KALRN: variants seen among roughly 807,000 people sequenced by gnomAD.
The protein encoded by KALRN is kalirin.
In KALRN, 70 loss-of-function variants were observed where a neutral mutation model predicts 353.7. That is an observed-to-expected ratio of 0.20 (90% CI 0.16 to 0.24). The LOEUF is 0.24. Ranked by LOEUF, KALRN falls within the 10% of genes least tolerant of loss-of-function variation. The probability of loss-of-function intolerance (pLI) is 1.00; values close to 1 mark genes in which losing one functional copy is unlikely to be tolerated. For missense variants in KALRN, 2,791 were observed against 3,756.7 expected, an observed-to-expected ratio of 0.74 and a Z score of 6.72; for synonymous variants, 1,391 against 1,434.8, an observed-to-expected ratio of 0.97 and a Z score of 0.69.
intron 27 of KALRN, among the ~76,000 whole-genome samples, chr3:124,479,644 A>T: frequency 6.6e-6 from 1 of 152,076 alleles, no homozygotes; most frequent in African/African-American, 2.4e-5. Context: ...GCAGTCACCT[A>T]ATATCCATTA....
intron 9 of KALRN, among the ~76,000 whole-genome samples, chr3:124,337,604 C>CT (rs2081266624): frequency 6.6e-6 from 1 of 152,072 alleles, no homozygotes; most frequent in Admixed American, 6.6e-5. Flanking sequence ...CTGAGATTTT[C>CT]TTTTTTTGTT....
intron 9 of KALRN, among the ~76,000 whole-genome samples, chr3:124,340,165 T>C (rs2081545811): frequency 6.6e-6 from 1 of 152,200 alleles, no homozygotes; most frequent in Non-Finnish European, 1.5e-5. Context: ...GTGTGTCATA[T>C]GGCGATAGCT....
chr3:124,135,136 T>C (rs924244240), intron 1 of KALRN, among the ~76,000 whole-genome samples: 2 of 152,224 alleles, frequency 1.3e-5, no homozygotes. Flanking sequence ...CAAATGCCCA[T>C]CAATCAATGA....
chr3:124,615,024 A>G (rs2078411441), intron 34 of KALRN, among the ~76,000 whole-genome samples: 1 of 152,254 alleles, frequency 6.6e-6, no homozygotes, highest in African/African-American at 2.4e-5. Context: ...AATTTGTCAC[A>G]TATATGACCA....
rs1299908976 is a variant in KALRN at position 124,720,723 on chromosome 3, C to T, written c.*1253C>T. ...GACTAATTGTACTTTGAGGCCAATG[C>T]TGCTTTCTGGTGTATATTCTCCATA... On this transcript the variant is annotated 3_prime_UTR_variant, in exon 60 of 60. Transcript: ENST00000682506. 1.3e-5 allele frequency: 2 copies of T among 152,304 alleles called. No homozygotes were observed. Among genetic ancestry groups the T allele is most frequent in the African/African-American group, 4.8e-5 (2 of 41,460 alleles). The allele number at this position is 152,304 out of a possible 1,614,324, so 9.4% of individuals were successfully genotyped here. A position where few individuals can be genotyped will look rare whatever the true frequency, so the allele number is the denominator to read the frequency against.
intron 2 of KALRN, among the ~76,000 whole-genome samples, chr3:124,230,301 G>T (rs2079002699): frequency 2.0e-5 from 3 of 152,198 alleles, no homozygotes; most frequent in Admixed American, 2.0e-4. Context: ...CATAACTTCT[G>T]CCAAGTTGAG....
At chr3:124,082,416 C>G in intron 1 of KALRN, 1 of 406,728 alleles carries the variant, frequency 2.5e-6, no homozygotes, top group East Asian at 7.3e-5. Flanking sequence ...CCAAGTAATT[C>G]TTCTCCAGAA....
intron 1 of KALRN, among the ~76,000 whole-genome samples, chr3:124,221,753 G>T (rs938525442): frequency 6.6e-6 from 1 of 152,116 alleles, no homozygotes. Flanking sequence ...TCAGATTGGG[G>T]GAAGGGTGGG....
chr3:124,592,309 C>CAAAAAA (rs10575664), intron 34 of KALRN, among the ~76,000 whole-genome samples: 110 of 120,616 alleles, frequency 9.1e-4, no homozygotes, highest in East Asian at 1.9e-3. Context: ...CTCAAAGAAA[C>CAAAAAA]AAAAAAAAAA....
intron 33 of KALRN, among the ~76,000 whole-genome samples, chr3:124,497,826 G>C (rs1416837409): frequency 1.3e-5 from 2 of 152,170 alleles, no homozygotes; most frequent in Admixed American, 6.5e-5. Context: ...TTAGTGTCAT[G>C]GTCCAGGGAA....
At chr3:124,658,257 G>A (rs934355589) in intron 41 of KALRN, among the ~76,000 whole-genome samples, 174 bp from the exon 42 acceptor site, 4 of 152,100 alleles carry the variant, frequency 2.6e-5, no homozygotes, top group Non-Finnish European at 4.4e-5. Context: ...CCACCTTGGC[G>A]ATTTGGAAAG....
At chr3:124,233,671 A>G (rs1424382290) in intron 2 of KALRN, among the ~76,000 whole-genome samples, 1 of 152,150 alleles carries the variant, frequency 6.6e-6, no homozygotes, top group African/African-American at 2.4e-5. Flanking sequence ...AGGAAACCTT[A>G]TTCATGAACT....
intron 34 of KALRN, among the ~76,000 whole-genome samples, chr3:124,575,916 TA>T (rs1413267020): frequency 2.6e-5 from 4 of 152,176 alleles, no homozygotes; most frequent in Admixed American, 2.6e-4. Context: ...GTAACATATT[TA>T]TAGGTTCTGG....
intron 33 of KALRN, among the ~76,000 whole-genome samples, chr3:124,510,883 C>T (rs1442808056): frequency 6.6e-6 from 1 of 152,184 alleles, no homozygotes; most frequent in African/African-American, 2.4e-5. Context: ...ATTCGAAACA[C>T]AAGAGTATGT....
chr3:124,371,576 CA>C (rs2085842145), intron 10 of KALRN, among the ~76,000 whole-genome samples: 1 of 152,042 alleles, frequency 6.6e-6, no homozygotes, highest in Non-Finnish European at 1.5e-5. Flanking sequence ...TTTCTTCTTA[CA>C]AAAATAAGGA....
chr3:124,105,436 G>A (rs761494249), intron 1 of KALRN, among the ~76,000 whole-genome samples: 22 of 152,174 alleles, frequency 1.4e-4, no homozygotes, highest in Non-Finnish European at 3.1e-4. Context: ...ACTGGTATTA[G>A]CTCAAGGAAG....
intron 45 of KALRN, 83 bp from the exon 46 acceptor site, chr3:124,666,366 G>C (rs1318480151): frequency 1.6e-6 from 2 of 1,278,000 alleles, no homozygotes; most frequent in South Asian, 1.3e-5. Flanking sequence ...CGTATCCCCA[G>C]ATGGGGAGGT....
At chr3:124,435,058 A>C (rs1387939509) in intron 17 of KALRN, among the ~76,000 whole-genome samples, 1 of 152,210 alleles carries the variant, frequency 6.6e-6, no homozygotes, top group African/African-American at 2.4e-5. Context: ...TCCAAAATCT[A>C]CCATACAAGT....
intron 6 of KALRN, among the ~76,000 whole-genome samples, chr3:124,311,064 CTTTTTTTTT>C (rs71145446): frequency 2.1e-4 from 14 of 67,526 alleles, no homozygotes; most frequent in South Asian, 7.7e-4. Context: ...GATACTACTT[CTTTTTTTTT>C]TTTTTTTTTT....
Sources: allele counts gnomAD v4.1 joint callset (sites outside exome capture counted in the v4.1 genomes callset), GRCh38; gene constraint gnomAD v4.1.1; transcripts MANE v1.5; gene names NCBI Gene and HGNC (gene_info 2026-07-23, HGNC 2026-07-21).